The following ROS1 variants were observed in gnomAD, a reference collection of about 807,000 sequenced individuals.
ROS1 encodes the protein ROS proto-oncogene 1, receptor tyrosine kinase, also known as proto-oncogene tyrosine-protein kinase ROS.
A neutral mutation model predicts 273.5 loss-of-function variants in ROS1; 263 were observed. That is an observed-to-expected ratio of 0.96 (90% CI 0.87 to 1.06). The LOEUF (loss-of-function observed/expected upper bound fraction) is 1.06, where lower values mean the gene tolerates loss of function less well. Among genes scored for constraint, ROS1 ranks in the 50% least tolerant of loss-of-function variants. The pLI is 0.00. For synonymous variants in ROS1, 1,008 were observed against 954.1 expected (o/e 1.06, Z -1.04); for missense variants, 2,833 against 2,751.1 (o/e 1.03, Z -0.67).
intron 27 of ROS1, among the ~76,000 whole-genome samples, chr6:117,350,481 T>C (rs1284831782): frequency 1.3e-5 from 2 of 151,824 alleles, no homozygotes; most frequent in Admixed American, 6.6e-5. Context: ...GCATTTATCC[T>C]TCTTGGTATT....
At chr6:117,409,493 G>A in intron 5 of ROS1, 89 bp downstream of exon 5, 2 of 890,172 alleles carry the variant, frequency 2.2e-6, no homozygotes, top group South Asian at 1.3e-5. Flanking sequence ...AAATCAAGAT[G>A]TTTTGAGAGG....
chr6:117,380,699 A>G (rs918231549), intron 17 of ROS1, among the ~76,000 whole-genome samples: 15 of 152,104 alleles, frequency 9.9e-5, no homozygotes, highest in African/African-American at 3.6e-4. Flanking sequence ...ATTCCTCCAC[A>G]GCAGTCAGCA....
In ROS1 at chr6:117,306,799, C is replaced by T. The variant is rs181330457; in HGVS notation, c.6551+1995G>A. 2.7e-3 allele frequency among the ~76,000 whole-genome samples: 408 copies of T among 152,204 alleles called. 2 individuals are homozygous for T. The highest frequency in any genetic ancestry group is 4.1e-3 in the Non-Finnish European group (281 of 68,006). The stretch of plus-strand genomic sequence containing the variant: ...TATCATGACAACTTAAGGCCATGGC[C>T]AGATTGAATGGTATTGCTGAGATCT... On this transcript the variant is annotated intron_variant, in intron 42 of 43. Coordinates refer to ENST00000368507, the MANE Select transcript of ROS1 (RefSeq NM_001378902.1).
intron 7 of ROS1, among the ~76,000 whole-genome samples, chr6:117,398,213 T>C (rs747894008): frequency 1.3e-5 from 2 of 152,066 alleles, no homozygotes; most frequent in Non-Finnish European, 2.9e-5. Flanking sequence ...CTTCCACCAT[T>C]GAAGCAAGTT....
rs1193127119 is a variant in ROS1 at position 117,389,372 on chromosome 6, A to G, written c.1764T>C (p.Pro588=). 3 of 1,613,922 alleles carry G rather than the reference A, an allele frequency of 1.9e-6. No individual in the cohort carries two copies. The highest frequency in any genetic ancestry group is 2.5e-6 in the Non-Finnish European group (3 of 1,179,908). ...CACTGGCTCCTATGGCAAGGGCAGG[A>G]GGCTTCCATTGAACAAGAGCCTGGT... The part of the protein sequence containing the change: ...GSHQALVQWK[P]PALAIGASPS... The change falls in exon 13 of 44, where the codon CCT becomes CCC. Residue 588 remains proline (P), a synonymous_variant. Transcript: ENST00000368507.
intron 43 of ROS1, among the ~76,000 whole-genome samples, chr6:117,290,447 T>A (rs1303017707): frequency 4.6e-5 from 7 of 152,202 alleles, no homozygotes; most frequent in Non-Finnish European, 1.0e-4. Flanking sequence ...TGTTTAAAAA[T>A]TATTTAATAA....
intron 42 of ROS1, among the ~76,000 whole-genome samples, chr6:117,307,052 T>C (rs1018216181): frequency 1.3e-5 from 2 of 152,140 alleles, no homozygotes; most frequent in East Asian, 3.8e-4. Flanking sequence ...TAAAACTGTA[T>C]AGAATATTAT....
chr6:117,397,707 C>T (rs953688661), intron 7 of ROS1, among the ~76,000 whole-genome samples: 2 of 152,236 alleles, frequency 1.3e-5, no homozygotes, highest in Non-Finnish European at 2.9e-5. Context: ...CTTCAGCACC[C>T]CTGCCCTGGC....
chr6:117,296,173 G>A (rs538832006), intron 43 of ROS1, among the ~76,000 whole-genome samples: 36 of 152,216 alleles, frequency 2.4e-4, no homozygotes, highest in South Asian at 2.1e-3. Context: ...AGAGGTAGGC[G>A]GATCACTTGA....
chr6:117,353,604 A>G (rs1473088583), intron 26 of ROS1, among the ~76,000 whole-genome samples: 1 of 152,234 alleles, frequency 6.6e-6, no homozygotes, highest in Non-Finnish European at 1.5e-5. Context: ...AAACATATTT[A>G]TCAACTTTGC....
chr6:117,335,778 T>G (rs572885241), intron 32 of ROS1, among the ~76,000 whole-genome samples: 10 of 151,590 alleles, frequency 6.6e-5, no homozygotes, highest in Non-Finnish European at 7.4e-5. Flanking sequence ...TAAGTGGGAG[T>G]TGAACATTGA....
intron 29 of ROS1, 104 bp downstream of exon 29, chr6:117,342,296 C>A: frequency 8.7e-7 from 1 of 1,154,130 alleles, no homozygotes; most frequent in East Asian, 2.5e-5. Context: ...AAAAAGCTTA[C>A]TAAAATTACT....
intron 1 of ROS1, among the ~76,000 whole-genome samples, chr6:117,422,072 G>A (rs1239293277): frequency 1.3e-5 from 2 of 152,132 alleles, no homozygotes; most frequent in East Asian, 1.9e-4. Flanking sequence ...GCACAGTGGT[G>A]TAATCACAGC....
At chr6:117,319,405 G>A (rs2128557982) in intron 37 of ROS1, among the ~76,000 whole-genome samples, 1 of 152,166 alleles carries the variant, frequency 6.6e-6, no homozygotes, top group African/African-American at 2.4e-5. Context: ...TCAAATTTCA[G>A]TGTTCATAAG....
rs1378978722 is a variant in ROS1, at chr6:117,302,966, A to G, written c.6552-1829T>C. The stretch of plus-strand genomic sequence containing the variant: ...CTCTATCAAGTTCTCTTCTTTCTTC[A>G]CTTCCCCAGGGCTTGGAAGGAATGA... On this transcript the variant is annotated intron_variant, in intron 42 of 43. Transcript: ENST00000368507. Among the ~76,000 whole-genome samples the G allele has an allele frequency of 2.6e-5, 4 of 152,000 alleles. No individual in the cohort carries two copies. In the South Asian group the frequency reaches 6.2e-4, roughly 24 times the overall value.
intron 29 of ROS1, among the ~76,000 whole-genome samples, chr6:117,342,002 A>G (rs1049460739): frequency 6.6e-6 from 1 of 152,178 alleles, no homozygotes; most frequent in African/African-American, 2.4e-5. Context: ...CTTTAAGGCT[A>G]TACTGTTGCA....
At chr6:117,345,186 G>T (rs1778272222) in intron 27 of ROS1, among the ~76,000 whole-genome samples, 1 of 151,874 alleles carries the variant, frequency 6.6e-6, no homozygotes, top group Admixed American at 6.6e-5. Flanking sequence ...TCTAACCACA[G>T]TACACTATCT....
chr6:117,355,862 C>T (rs1201478346), intron 26 of ROS1, among the ~76,000 whole-genome samples: 2 of 152,106 alleles, frequency 1.3e-5, no homozygotes, highest in African/African-American at 2.4e-5. Flanking sequence ...CTACCCACCT[C>T]GGCCTTCCAA....
At chr6:117,361,193 T>C (rs1387226320) in intron 22 of ROS1, among the ~76,000 whole-genome samples, 1 of 140,694 alleles carries the variant, frequency 7.1e-6, no homozygotes, top group Non-Finnish European at 1.5e-5. Flanking sequence ...ACAGTAAAGT[T>C]TATTTTTTTT....
Sources: gnomAD v4.1 joint callset for allele counts (sites outside exome capture counted in the v4.1 genomes callset) on GRCh38, gnomAD v4.1.1 for gene constraint, MANE v1.5 for transcripts, NCBI Gene and HGNC (gene_info 2026-07-23, HGNC 2026-07-21) for gene names.